The following POLK variants were observed in gnomAD, a reference collection of about 807,000 sequenced individuals.
The protein encoded by POLK is DNA polymerase kappa, also known as polymerase (DNA directed) kappa.
A neutral mutation model predicts 94.0 loss-of-function variants in POLK; 76 were observed. The observed-to-expected ratio is 0.81, with a 90% confidence interval of 0.67 to 0.98. The LOEUF (loss-of-function observed/expected upper bound fraction) is 0.98, where lower values mean the gene tolerates loss of function less well. POLK is among the 50% of genes least tolerant of loss of function. POLK has a pLI of 0.00. For synonymous variants in POLK, 349 were observed against 325.4 expected, an observed-to-expected ratio of 1.07 and a Z score of -0.78; for missense variants, 954 against 1,010.1, an observed-to-expected ratio of 0.94 and a Z score of 0.75.
At chr5:75,558,207 G>A (rs776729384) in intron 3 of POLK, among the ~76,000 whole-genome samples, 53 of 151,556 alleles carry the variant, frequency 3.5e-4, no homozygotes, top group Non-Finnish European at 6.8e-4. Flanking sequence ...CTAGTTCCAG[G>A]AACAATATTC....
chr5:75,585,329 G>C (rs574563976), intron 9 of POLK, among the ~76,000 whole-genome samples: 1 of 152,098 alleles, frequency 6.6e-6, no homozygotes, highest in South Asian at 2.1e-4. Flanking sequence ...TTTCTTTTCC[G>C]GATTCATTCA....
chr5:75,569,750 A>C (rs1304941090), intron 4 of POLK, among the ~76,000 whole-genome samples: 1 of 152,178 alleles, frequency 6.6e-6, no homozygotes, highest in Non-Finnish European at 1.5e-5. Context: ...TCAGGCAAGC[A>C]AACGAAGCTT....
intron 2 of POLK, among the ~76,000 whole-genome samples, chr5:75,549,095 TTA>T (rs985677357): frequency 6.6e-6 from 1 of 152,152 alleles, no homozygotes; most frequent in African/African-American, 2.4e-5. Flanking sequence ...AGTGATAGTT[TTA>T]TATGTGTTTA....
chr5:75,583,220 C>A, intron 7 of POLK, 73 bp from the exon 8 acceptor site: 1 of 1,110,482 alleles, frequency 9.0e-7, no homozygotes, highest in Non-Finnish European at 1.3e-6. Context: ...CTTTTTTTTT[C>A]TGTTTTGTTA....
intron 1 of POLK, chr5:75,534,812 T>A (rs1036607530): frequency 6.6e-6 from 1 of 152,206 alleles, no homozygotes; most frequent in Non-Finnish European, 1.5e-5. Flanking sequence ...TTTTCTGTAT[T>A]CTGTTTGCTT....
intron 1 of POLK, among the ~76,000 whole-genome samples, chr5:75,521,119 C>T (rs5744552): frequency 5.3e-5 from 8 of 151,820 alleles, no homozygotes; most frequent in Admixed American, 1.3e-4. Context: ...CAAATCTGTT[C>T]GTGTTCTCTG....
chr5:75,596,948 A>G, exon 13 of POLK: 1 of 1,613,656 alleles, frequency 6.2e-7, no homozygotes, highest in East Asian at 2.2e-5. Flanking sequence ...GTTTCATTGG[A>G]AAACGAAGAT....
At chr5:75,603,642 A>G (rs1258468450), downstream of POLK, among the ~76,000 whole-genome samples, 1 of 152,130 alleles carries the variant, frequency 6.6e-6, no homozygotes, top group Non-Finnish European at 1.5e-5. Flanking sequence ...TAGCTCCTAT[A>G]TATCACTGTC....
At chr5:75,594,578 C>A (rs149033084) in intron 12 of POLK, among the ~76,000 whole-genome samples, 7 of 152,172 alleles carry the variant, frequency 4.6e-5, no homozygotes, top group Admixed American at 2.6e-4. Context: ...GAGTATATTA[C>A]GTTGTAATAC....
intron 1 of POLK, among the ~76,000 whole-genome samples, chr5:75,519,362 A>G (rs1489476507): frequency 6.6e-6 from 1 of 152,208 alleles, no homozygotes; most frequent in Non-Finnish European, 1.5e-5. Flanking sequence ...TCTGTTCTGC[A>G]GCAGTTGGGT....
At chr5:75,512,992 G>A (rs1278365015) in intron 1 of POLK, 1 of 152,238 alleles carries the variant, frequency 6.6e-6, no homozygotes. Context: ...GCCGAGCATG[G>A]TGGTAGGTGC....
At chr5:75,586,542 C>T (rs958857537) in intron 9 of POLK, among the ~76,000 whole-genome samples, 2 of 152,150 alleles carry the variant, frequency 1.3e-5, no homozygotes, top group Non-Finnish European at 2.9e-5. Flanking sequence ...TCCCAATCTT[C>T]ATCCTATAGC....
At chr5:75,600,936 A>C (rs1773283621) in exon 15 of POLK, 1 of 152,146 alleles carries the variant, frequency 6.6e-6, no homozygotes, top group South Asian at 2.1e-4. Context: ...TGTCCCCAGA[A>C]CCAGAATAAT....
chr5:75,519,259 A>G (rs960098281), intron 1 of POLK, among the ~76,000 whole-genome samples: 2 of 152,186 alleles, frequency 1.3e-5, no homozygotes, highest in East Asian at 1.9e-4. Context: ...GATATGTGAT[A>G]TGATTTCTAC....
intron 1 of POLK, among the ~76,000 whole-genome samples, chr5:75,533,016 T>A (rs1432874074): frequency 6.6e-6 from 1 of 152,222 alleles, no homozygotes; most frequent in African/African-American, 2.4e-5. Flanking sequence ...TTTGCAGAAA[T>A]TTTCTCCCGT....
chr5:75,589,628 A>G (rs997703855), intron 10 of POLK, among the ~76,000 whole-genome samples: 1 of 152,098 alleles, frequency 6.6e-6, no homozygotes, highest in Non-Finnish European at 1.5e-5. Flanking sequence ...TAAGGAATTC[A>G]TAAGAATAAG....
exon 4 of POLK, chr5:75,569,461 A>C: frequency 1.2e-6 from 2 of 1,613,638 alleles, no homozygotes; most frequent in Non-Finnish European, 1.7e-6. Context: ...TTGAAGGATA[A>C]ACCCATTGCT....
At chr5:75,566,957 TGAA>T (rs1771308660) in intron 3 of POLK, among the ~76,000 whole-genome samples, 1 of 152,188 alleles carries the variant, frequency 6.6e-6, no homozygotes, top group South Asian at 2.1e-4. Flanking sequence ...GGATTTCAGT[TGAA>T]GAAACTTTTA....
intron 1 of POLK, chr5:75,538,774 A>T (rs917505998): frequency 1.8e-4 from 27 of 150,568 alleles, no homozygotes; most frequent in African/African-American, 5.6e-4. Context: ...TTTTTTTTTT[A>T]TTTATTTATT....
Sources: allele counts gnomAD v4.1 joint callset (sites outside exome capture counted in the v4.1 genomes callset), GRCh38; gene constraint gnomAD v4.1.1; transcripts MANE v1.5; gene names NCBI Gene and HGNC (gene_info 2026-07-23, HGNC 2026-07-21).